The following TENM2 variants were observed in gnomAD, a reference collection of about 807,000 sequenced individuals.
TENM2 encodes teneurin-2.
A neutral mutation model predicts 245.2 loss-of-function variants in TENM2; 52 were observed. That is an observed-to-expected ratio of 0.21 (90% CI 0.17 to 0.27). TENM2 has a LOEUF of 0.27. TENM2 is among the 10% of genes least tolerant of loss of function. The pLI is 1.00. For synonymous variants in TENM2, 1,363 were observed against 1,438.9 expected, an observed-to-expected ratio of 0.95 and a Z score of 1.19; for missense variants, 3,046 against 3,666.8, an observed-to-expected ratio of 0.83 and a Z score of 4.37.
At chr5:168,115,988 G>A (rs1795056314) in intron 9 of TENM2, among the ~76,000 whole-genome samples, 1 of 152,154 alleles carries the variant, frequency 6.6e-6, no homozygotes, top group African/African-American at 2.4e-5. Flanking sequence ...TGAGTCTCAG[G>A]AGGAACTGGC....
intron 12 of TENM2, among the ~76,000 whole-genome samples, chr5:168,135,756 T>A (rs1224950935): frequency 2.6e-5 from 4 of 152,244 alleles, no homozygotes; most frequent in African/African-American, 7.2e-5. Flanking sequence ...TGTTCGTTTT[T>A]AAAAACATAT....
intron 2 of TENM2, among the ~76,000 whole-genome samples, chr5:167,445,333 A>AGGGG (rs1465074088): frequency 2.2e-4 from 17 of 76,046 alleles, no homozygotes; most frequent in Non-Finnish European, 3.3e-4. Context: ...ATATATATAT[A>AGGGG]TATAGAGAGA....
chr5:168,047,618 A>T, intron 6 of TENM2, 69 bp downstream of exon 8: 1 of 1,508,656 alleles, frequency 6.6e-7, no homozygotes, highest in Non-Finnish European at 8.9e-7. Flanking sequence ...CAGCTGGTTC[A>T]GGTTTTCTAA....
the TENM2 span, among the ~76,000 whole-genome samples, chr5:167,172,624 C>CTTT: frequency 7.2e-6 from 1 of 139,844 alleles, no homozygotes; most frequent in Admixed American, 7.2e-5. Context: ...TCATTTTCAT[C>CTTT]TTTTTTTTTT....
At chr5:168,069,911 C>T (rs1165512400) in intron 7 of TENM2, among the ~76,000 whole-genome samples, 2 of 152,006 alleles carry the variant, frequency 1.3e-5, no homozygotes, top group African/African-American at 4.8e-5. Context: ...GAGGGTAGCA[C>T]AGTTAAACAC....
intron 2 of TENM2, among the ~76,000 whole-genome samples, chr5:167,746,719 G>A (rs1761612520): frequency 6.6e-6 from 1 of 150,504 alleles, no homozygotes; most frequent in South Asian, 2.1e-4. Flanking sequence ...GAGAGAGCTG[G>A]ACTCTACACA....
the TENM2 span, among the ~76,000 whole-genome samples, chr5:166,985,370 C>T: frequency 6.6e-6 from 1 of 152,052 alleles, no homozygotes; most frequent in Non-Finnish European, 1.5e-5. Flanking sequence ...TGTAGTTGGC[C>T]ACCATTTTCC....
chr5:167,970,991 T>C (rs80259472), intron 4 of TENM2, among the ~76,000 whole-genome samples: 5,600 of 152,244 alleles, frequency 0.037, 355 homozygotes, highest in African/African-American at 0.13. Flanking sequence ...TCAGTTTCAC[T>C]ACTATTTGCT....
At chr5:167,130,919 A>G in the TENM2 span, among the ~76,000 whole-genome samples, 1 of 147,934 alleles carries the variant, frequency 6.8e-6, no homozygotes. Context: ...TTTTAAAAAA[A>G]AAAAAGAATG....
At chr5:167,527,486 A>G (rs556048201) in intron 2 of TENM2, among the ~76,000 whole-genome samples, 2 of 152,176 alleles carry the variant, frequency 1.3e-5, no homozygotes, top group African/African-American at 4.8e-5. Context: ...CTGTATTTAC[A>G]CTGTTCCGTC....
chr5:167,170,008 AG>A, the TENM2 span, among the ~76,000 whole-genome samples: 10 of 152,324 alleles, frequency 6.6e-5, no homozygotes, highest in South Asian at 1.4e-3. Context: ...GGGTGTGGTC[AG>A]TCCTGATACC....
At chr5:167,552,716 G>T (rs1344726455) in intron 2 of TENM2, among the ~76,000 whole-genome samples, 1 of 152,212 alleles carries the variant, frequency 6.6e-6, no homozygotes, top group Non-Finnish European at 1.5e-5. Context: ...ATAAAGGTGT[G>T]TTGCGTATAT....
chr5:167,198,687 A>T, the TENM2 span, among the ~76,000 whole-genome samples: 1 of 152,072 alleles, frequency 6.6e-6, no homozygotes, highest in Non-Finnish European at 1.5e-5. Flanking sequence ...ATAGGTGAGG[A>T]TGGGATGCAA....
intron 13 of TENM2, among the ~76,000 whole-genome samples, chr5:168,167,671 G>T (rs1188496418): frequency 6.6e-6 from 1 of 152,204 alleles, no homozygotes; most frequent in Non-Finnish European, 1.5e-5. Flanking sequence ...ACTGAAAGAT[G>T]TTTTGCACCT....
At chr5:167,457,282 TTTTTATTTTA>T (rs71591185) in intron 2 of TENM2, among the ~76,000 whole-genome samples, 15,607 of 129,802 alleles carry the variant, frequency 0.12, 1,211 homozygotes, top group African/African-American at 0.19. Context: ...ACTGACCTGC[TTTTTATTTTA>T]TTTTATTTTA....
chr5:167,932,101 G>A (rs1778334067), intron 3 of TENM2, among the ~76,000 whole-genome samples: 1 of 152,210 alleles, frequency 6.6e-6, no homozygotes. Flanking sequence ...GAGTCTGACT[G>A]CAGGTGCAGG....
chr5:167,556,432 A>ATATG (rs1773264561), intron 2 of TENM2, among the ~76,000 whole-genome samples: 1 of 149,962 alleles, frequency 6.7e-6, no homozygotes, highest in Non-Finnish European at 1.5e-5. Context: ...ATATATATAT[A>ATATG]TATATATGTA....
At chr5:167,974,031 GGAAGGAGAA>G (rs770171089) in intron 4 of TENM2, among the ~76,000 whole-genome samples, 2 of 66,328 alleles carry the variant, frequency 3.0e-5, no homozygotes, top group Non-Finnish European at 4.7e-5. Context: ...GAGGAAGGAA[GGAAGGAGAA>G]GGAAGGAAGG....
At chr5:167,897,961 T>G (rs960187018) in intron 3 of TENM2, among the ~76,000 whole-genome samples, 8 of 140,936 alleles carry the variant, frequency 5.7e-5, no homozygotes, top group Non-Finnish European at 1.2e-4. Flanking sequence ...CAGCATGAAC[T>G]CCAGCCCCTT....
Sources: allele counts gnomAD v4.1 joint callset (sites outside exome capture counted in the v4.1 genomes callset), GRCh38; gene constraint gnomAD v4.1.1; transcripts MANE v1.5; gene names NCBI Gene and HGNC (gene_info 2026-07-23, HGNC 2026-07-21).